Variants in SH3RF2 observed in about 807,000 individuals in gnomAD.
SH3RF2 encodes the protein SH3 domain containing ring finger 2, also known as E3 ubiquitin-protein ligase SH3RF2.
SH3RF2 carries 43 observed loss-of-function variants against 59.0 expected under a neutral mutation model. That is an observed-to-expected ratio of 0.73 (90% CI 0.57 to 0.94). SH3RF2 has a LOEUF of 0.94. Ranked by LOEUF, SH3RF2 falls within the 40% of genes least tolerant of loss-of-function variation. The pLI, the probability that SH3RF2 is intolerant of heterozygous loss-of-function variation, is 0.00. For missense variants in SH3RF2, 930 were observed against 940.1 expected (o/e 0.99, Z 0.14); for synonymous variants, 391 against 391.5 (o/e 1.00, Z 0.01).
chr5:145,999,267 T>C (rs1358670427), intron 2 of SH3RF2, among the ~76,000 whole-genome samples: 1 of 152,228 alleles, frequency 6.6e-6, no homozygotes, highest in Non-Finnish European at 1.5e-5. Context: ...TTGATTAGGC[T>C]TTGGCTTGAG....
chr5:145,985,100 G>C (rs1472968630), intron 2 of SH3RF2, among the ~76,000 whole-genome samples: 1 of 152,126 alleles, frequency 6.6e-6, no homozygotes, highest in Non-Finnish European at 1.5e-5. Context: ...AGGCTTCAGT[G>C]AGCCATGGTC....
intron 2 of SH3RF2, among the ~76,000 whole-genome samples, chr5:145,962,756 CT>C (rs1758677481): frequency 6.6e-6 from 1 of 152,118 alleles, no homozygotes; most frequent in African/African-American, 2.4e-5. Flanking sequence ...AAGGAGCTGT[CT>C]GAGTCAAGAC....
downstream of SH3RF2, among the ~76,000 whole-genome samples, chr5:146,065,672 G>A (rs1256752213): frequency 6.6e-6 from 1 of 152,172 alleles, no homozygotes; most frequent in Admixed American, 6.5e-5. Flanking sequence ...CTTCACCCAT[G>A]TGCAGCATCA....
chr5:145,955,594 G>A (rs780771405), intron 2 of SH3RF2, among the ~76,000 whole-genome samples: 16 of 152,128 alleles, frequency 1.1e-4, no homozygotes, highest in Non-Finnish European at 1.6e-4. Flanking sequence ...GTATTAGAAA[G>A]GTGGGAAGAA....
At chr5:146,039,201 A>C (rs116235064) in intron 5 of SH3RF2, among the ~76,000 whole-genome samples, 2,264 of 152,328 alleles carry the variant, frequency 0.015, 57 homozygotes, top group African/African-American at 0.051. Flanking sequence ...TTTAGAAGAC[A>C]GTATAGAAGT....
intron 3 of SH3RF2, 91 bp from the exon 4 acceptor site, chr5:146,003,967 A>T: frequency 9.8e-7 from 1 of 1,016,102 alleles, no homozygotes; most frequent in Non-Finnish European, 1.5e-6. Context: ...CTAACACTTT[A>T]CACCATCTGA....
intron 5 of SH3RF2, among the ~76,000 whole-genome samples, chr5:146,032,556 A>C (rs1254633884): frequency 1.3e-5 from 2 of 152,198 alleles, no homozygotes; most frequent in African/African-American, 4.8e-5. Context: ...CATAGGAGGC[A>C]GCAATTTCAT....
At chr5:146,068,538 A>T (rs1763158127) in intron 9 of SH3RF2, among the ~76,000 whole-genome samples, 3 of 152,238 alleles carry the variant, frequency 2.0e-5, no homozygotes, top group Admixed American at 6.5e-5. Flanking sequence ...TCACTTAGGG[A>T]ATGTGTTTGG....
intron 2 of SH3RF2, among the ~76,000 whole-genome samples, chr5:145,942,734 G>T (rs541349652): frequency 6.6e-6 from 1 of 152,334 alleles, no homozygotes; most frequent in East Asian, 1.9e-4. Flanking sequence ...GAAGTCAAGA[G>T]ACCCAGATGG....
intron 2 of SH3RF2, among the ~76,000 whole-genome samples, chr5:145,947,669 TCATAGCA>T (rs1758047524): frequency 1.3e-5 from 2 of 152,104 alleles, no homozygotes; most frequent in Admixed American, 1.3e-4. Context: ...CTTATAAAGC[TCATAGCA>T]CAGGGCCTGA....
chr5:146,060,255 T>C (rs1473091905), intron 9 of SH3RF2, 31 bp downstream of exon 9: 2 of 1,555,504 alleles, frequency 1.3e-6, no homozygotes. Context: ...GGGGCCCAAC[T>C]CTTTCGATCC....
Position 146,059,912 on chromosome 5 carries a change from G to A in SH3RF2, c.1602G>A (p.Val534=), listed in dbSNP as rs373001568. ...RPLQSGIPTL[V]VGSLRRSPTM... Reference sequence around the variant, plus strand: ...TCCAGTCCGGGATCCCCACTCTCGTGGTAGGCTCCCTCAGACGCAGCCCCA... The same window carrying A: ...TCCAGTCCGGGATCCCCACTCTCGTAGTAGGCTCCCTCAGACGCAGCCCCA... Residue 534 remains valine, a synonymous_variant, in exon 9 of 10, where the codon GTG becomes GTA. Transcript: ENST00000359120. 4.1e-4 allele frequency: 613 copies of A among 1,502,148 alleles called. 1 individual carries two copies. Among genetic ancestry groups the A allele is most frequent in the Non-Finnish European group, 5.4e-4 (603 of 1,125,956 alleles). 93.1% of individuals were successfully genotyped at this position (1,502,148 alleles called of 1,614,324 possible).
At chr5:146,015,418 A>G (rs543537961) in intron 5 of SH3RF2, among the ~76,000 whole-genome samples, 1 of 152,276 alleles carries the variant, frequency 6.6e-6, no homozygotes, top group East Asian at 1.9e-4. Context: ...ACAAGTACAT[A>G]TTAATAGATG....
At chr5:146,048,348 C>T (rs1384120343) in intron 6 of SH3RF2, among the ~76,000 whole-genome samples, 1 of 151,560 alleles carries the variant, frequency 6.6e-6, no homozygotes, top group African/African-American at 2.4e-5. Flanking sequence ...ATTAGCAAAC[C>T]ACATCACTCT....
chr5:145,998,765 G>A (rs1760271592), intron 2 of SH3RF2, among the ~76,000 whole-genome samples: 1 of 152,210 alleles, frequency 6.6e-6, no homozygotes, highest in East Asian at 1.9e-4. Context: ...ACAAAAATTA[G>A]CCAGGTGTGG....
At chr5:146,058,668 T>C (rs1396234572) in intron 8 of SH3RF2, among the ~76,000 whole-genome samples, 1 of 152,064 alleles carries the variant, frequency 6.6e-6, no homozygotes. Flanking sequence ...ACCTACAGCT[T>C]CTCTAAATGC....
At chr5:146,039,610 G>C (rs1230029902) in intron 5 of SH3RF2, among the ~76,000 whole-genome samples, 1 of 152,190 alleles carries the variant, frequency 6.6e-6, no homozygotes, top group East Asian at 1.9e-4. Context: ...CCACATGCTG[G>C]TGAGACTGTG....
intron 3 of SH3RF2, among the ~76,000 whole-genome samples, chr5:146,002,037 A>T (rs970206690): frequency 1.3e-5 from 2 of 152,238 alleles, no homozygotes; most frequent in African/African-American, 4.8e-5. Context: ...CAATAAACTT[A>T]TTGGCTGACT....
At chr5:145,939,251 G>A (rs551129698) in intron 2 of SH3RF2, among the ~76,000 whole-genome samples, 27 of 152,314 alleles carry the variant, frequency 1.8e-4, no homozygotes, top group African/African-American at 6.5e-4. Flanking sequence ...TTGGGCCATT[G>A]GCATACTTAG....
Sources: allele counts gnomAD v4.1 joint callset (sites outside exome capture counted in the v4.1 genomes callset), GRCh38; gene constraint gnomAD v4.1.1; transcripts MANE v1.5; gene names NCBI Gene and HGNC (gene_info 2026-07-23, HGNC 2026-07-21).